HSD17B12: variants seen among roughly 807,000 people sequenced by gnomAD.
The protein encoded by HSD17B12 is very-long-chain 3-oxoacyl-CoA reductase.
In HSD17B12, 32 loss-of-function variants were observed where a neutral mutation model predicts 39.3. The observed-to-expected ratio is 0.81, with a 90% CI of 0.61 to 1.09. The LOEUF (loss-of-function observed/expected upper bound fraction) is 1.09, where lower values mean the gene tolerates loss of function less well. HSD17B12 is among the 50% of genes least tolerant of loss of function. The pLI is 0.00. For synonymous variants in HSD17B12, 150 were observed against 146.7 expected, an observed-to-expected ratio of 1.02 and a Z score of -0.16; for missense variants, 342 against 382.9, an observed-to-expected ratio of 0.89 and a Z score of 0.89.
At chr11:43,718,876 G>A in intron 1 of HSD17B12, 1 of 889,574 alleles carries the variant, frequency 1.1e-6, no homozygotes, top group Non-Finnish European at 1.9e-6. Context: ...GCACCCTCAG[G>A]AGAAACAAGC....
intron 1 of HSD17B12, among the ~76,000 whole-genome samples, chr11:43,720,839 A>G: frequency 6.6e-6 from 1 of 152,112 alleles, no homozygotes; most frequent in South Asian, 2.1e-4. Context: ...GCTTGGATAG[A>G]GTTTTAATGA....
the HSD17B12 span, among the ~76,000 whole-genome samples, chr11:43,575,076 C>G: frequency 6.6e-6 from 1 of 152,206 alleles, no homozygotes. This position sits in a 1 kb window ranked among gnomAD's most constrained non-coding sequence, Gnocchi z 4.1. Flanking sequence ...CCCTTTCCCC[C>G]ACACAGGGGA....
At chr11:43,622,425 C>T in the HSD17B12 span, among the ~76,000 whole-genome samples, 11 of 151,580 alleles carry the variant, frequency 7.3e-5, no homozygotes, top group Non-Finnish European at 1.5e-4. Context: ...GCAAGACCTC[C>T]ATTTCTACAA....
At chr11:43,726,931 TA>T (rs916872358) in intron 1 of HSD17B12, among the ~76,000 whole-genome samples, 32 of 152,188 alleles carry the variant, frequency 2.1e-4, no homozygotes, top group African/African-American at 7.7e-4. Flanking sequence ...ACTTGCATTC[TA>T]AAAAAATTTT....
At chr11:43,691,419 A>G (rs940336908) in intron 1 of HSD17B12, among the ~76,000 whole-genome samples, 1 of 152,240 alleles carries the variant, frequency 6.6e-6, no homozygotes, top group South Asian at 2.1e-4. Context: ...GGCTAGATGC[A>G]TCAAGTAGCC....
intron 1 of HSD17B12, among the ~76,000 whole-genome samples, chr11:43,696,772 T>A (rs1313264829): frequency 6.6e-6 from 1 of 152,072 alleles, no homozygotes; most frequent in Admixed American, 6.6e-5. Flanking sequence ...CAAATGCCCA[T>A]CAGTGACAGA....
chr11:43,736,743 T>C (rs1335294805), intron 1 of HSD17B12, among the ~76,000 whole-genome samples: 1 of 152,220 alleles, frequency 6.6e-6, no homozygotes, highest in Non-Finnish European at 1.5e-5. Flanking sequence ...GCTGCTGTTT[T>C]ATTAACTTGC....
At chr11:43,698,840 A>G (rs1590670024) in intron 1 of HSD17B12, among the ~76,000 whole-genome samples, 1 of 152,294 alleles carries the variant, frequency 6.6e-6, no homozygotes. Flanking sequence ...CATTGCTTCA[A>G]GATTTATTTT....
At chr11:43,740,624 T>C (rs1006160282) in intron 1 of HSD17B12, among the ~76,000 whole-genome samples, 1 of 152,204 alleles carries the variant, frequency 6.6e-6, no homozygotes, top group Non-Finnish European at 1.5e-5. Flanking sequence ...ACTTCATGGT[T>C]CAAGAGACTA....
intron 1 of HSD17B12, among the ~76,000 whole-genome samples, chr11:43,746,865 G>T: frequency 6.6e-6 from 1 of 152,152 alleles, no homozygotes; most frequent in Non-Finnish European, 1.5e-5. Flanking sequence ...CAGCTCCATT[G>T]TAATCTTAGG....
chr11:43,755,911 T>C (rs556608211), intron 3 of HSD17B12, among the ~76,000 whole-genome samples: 1 of 152,204 alleles, frequency 6.6e-6, no homozygotes, highest in Non-Finnish European at 1.5e-5. Context: ...TACACATGGC[T>C]GAGGAGGCCT....
At chr11:43,654,597 T>A in the HSD17B12 span, among the ~76,000 whole-genome samples, 1 of 152,130 alleles carries the variant, frequency 6.6e-6, no homozygotes, top group Non-Finnish European at 1.5e-5. Context: ...GGGATCCAGT[T>A]TCAGCTTTCT....
the HSD17B12 span, chr11:43,646,282 A>G: frequency 2.3e-4 from 35 of 152,388 alleles, no homozygotes; most frequent in African/African-American, 8.2e-4. Flanking sequence ...GTCAGATCTC[A>G]GGAAAGTATT....
the HSD17B12 span, among the ~76,000 whole-genome samples, chr11:43,583,801 C>T: frequency 2.6e-5 from 4 of 152,122 alleles, no homozygotes; most frequent in Non-Finnish European, 5.9e-5. Context: ...TGATGCCAAC[C>T]TCTGGAGGCC....
At chr11:43,804,125 AT>A (rs1950997024) in intron 4 of HSD17B12, among the ~76,000 whole-genome samples, 1 of 152,210 alleles carries the variant, frequency 6.6e-6, no homozygotes, top group Non-Finnish European at 1.5e-5. Context: ...GAGATTCTGT[AT>A]TATAGAAGGA....
At chr11:43,631,362 T>A in the HSD17B12 span, among the ~76,000 whole-genome samples, 1 of 152,130 alleles carries the variant, frequency 6.6e-6, no homozygotes, top group Non-Finnish European at 1.5e-5. Flanking sequence ...TCCAAACATT[T>A]CCCTTCAAAA....
the HSD17B12 span, among the ~76,000 whole-genome samples, chr11:43,660,566 G>A: frequency 6.6e-6 from 1 of 152,220 alleles, no homozygotes; most frequent in Admixed American, 6.5e-5. Flanking sequence ...AAGTGGTGTT[G>A]AAGATGCACA....
At chr11:43,830,269 G>A (rs1385994678) in intron 6 of HSD17B12, 1 of 152,144 alleles carries the variant, frequency 6.6e-6, no homozygotes, top group Non-Finnish European at 1.5e-5. Context: ...TAACTGTGAG[G>A]TGATTTTGAC....
intron 1 of HSD17B12, among the ~76,000 whole-genome samples, chr11:43,701,454 T>A (rs1346783939): frequency 2.0e-5 from 3 of 152,202 alleles, no homozygotes; most frequent in East Asian, 3.9e-4. Flanking sequence ...CTTGTGGTAG[T>A]TTCATAGTTT....
Sources: gnomAD v4.1 joint callset for allele counts (sites outside exome capture counted in the v4.1 genomes callset) on GRCh38, gnomAD v4.1.1 for gene constraint, Gnocchi (gnomAD v3.1) non-coding constraint, MANE v1.5 for transcripts, NCBI Gene and HGNC (gene_info 2026-07-23, HGNC 2026-07-21) for gene names.